Variants in SYNE2 observed in about 807,000 individuals in gnomAD.
SYNE2 encodes the protein nesprin-2.
In SYNE2, 431 loss-of-function variants were observed where a neutral mutation model predicts 856.3. The observed-to-expected ratio is 0.50, with a 90% CI of 0.47 to 0.55. The LOEUF is 0.55. Ranked by LOEUF, SYNE2 falls within the 20% of genes least tolerant of loss-of-function variation. SYNE2 has a pLI of 0.00. For missense variants in SYNE2, 8,129 were observed against 8,023.2 expected, an observed-to-expected ratio of 1.01 and a Z score of -0.50; for synonymous variants, 2,923 against 2,872.3, an observed-to-expected ratio of 1.02 and a Z score of -0.56.
chr14:64,210,801 GATGTAAATC>G (rs1273101777), intron 103 of SYNE2, among the ~76,000 whole-genome samples: 2 of 152,132 alleles, frequency 1.3e-5, no homozygotes, highest in African/African-American at 4.8e-5. Flanking sequence ...ATTCTAGAAA[GATGTAAATC>G]TGGGCTTTCT....
chr14:64,053,221 A>G lies in SYNE2; in HGVS notation c.9308A>G (p.Lys3103Arg). The change falls in exon 48 of 116, where the codon AAG becomes AGG. Residue 3103 changes from lysine to arginine, a missense_variant. Lys to Arg is a conservative substitution (Grantham distance 26, BLOSUM62 2). Transcript: ENST00000555002. ...AAGTGTTTATGTGATGAGATAATAA[A>G]GAAATTAAATGAAAATAAGACCTTT... ...KAKCLCDEII[K>R]KLNENKTFDD... 1.2e-6 allele frequency: 2 copies of G among 1,613,010 alleles called. No individual in the cohort carries two copies. The highest frequency in any genetic ancestry group is 1.7e-6 in the Non-Finnish European group (2 of 1,179,678).
In SYNE2 at chr14:63,920,942, T is replaced by C. The variant is rs369292977; in HGVS notation, c.79+11715T>C. Reference sequence around the variant, plus strand: ...CAGCCTGGCCAACATGGCAAAACCCTGTCTCTACTAAAAAATACAAAAATT... The same window carrying C: ...CAGCCTGGCCAACATGGCAAAACCCCGTCTCTACTAAAAAATACAAAAATT... On this transcript the variant is annotated intron_variant, in intron 2 of 115. Coordinates refer to ENST00000555002, the MANE Select transcript of SYNE2 (RefSeq NM_182914.3). Among the ~76,000 whole-genome samples the C allele has an allele frequency of 2.3e-4, 35 of 152,010 alleles. 1 individual carries two copies. The highest frequency in any genetic ancestry group is 8.2e-4 in the African/African-American group (34 of 41,494).
chr14:63,983,427 C>T (rs1241433512), intron 17 of SYNE2, among the ~76,000 whole-genome samples: 1 of 152,004 alleles, frequency 6.6e-6, no homozygotes, highest in Non-Finnish European at 1.5e-5. Context: ...ATTCACTTAC[C>T]ATGAAGGAAA....
intron 19 of SYNE2, among the ~76,000 whole-genome samples, chr14:63,989,173 G>T (rs1350273477): frequency 6.6e-6 from 1 of 151,972 alleles, no homozygotes; most frequent in Non-Finnish European, 1.5e-5. Flanking sequence ...CAAGCTCTTT[G>T]AATTGTGATC....
intron 1 of SYNE2, among the ~76,000 whole-genome samples, chr14:63,846,037 C>A (rs1300625098): frequency 7.2e-6 from 1 of 139,120 alleles, no homozygotes; most frequent in East Asian, 2.1e-4. Context: ...AGCCACCGTA[C>A]CTGCCCTTTT....
intron 104 of SYNE2, among the ~76,000 whole-genome samples, chr14:64,212,478 C>T (rs990534847): frequency 3.3e-5 from 5 of 152,184 alleles, no homozygotes; most frequent in Admixed American, 2.0e-4. Flanking sequence ...AATGCCCATT[C>T]GTGGCTTATT....
rs767570119 is a variant in SYNE2 at position 64,186,450 on chromosome 14, G to T, written c.17583G>T (p.Trp5861Cys). 9 of 1,614,176 alleles carry T rather than the reference G, an allele frequency of 5.6e-6. No homozygotes were observed. Among genetic ancestry groups the T allele is most frequent in the Non-Finnish European group, 6.8e-6 (8 of 1,180,026 alleles). ...AACTAGAACAGTCTTTGGCTAGCTG[G>T]ACTCAGAACTTGAAAGAACTTCAAA... Reference protein sequence around the residue: ...IKELEQSLASWTQNLKELQTM... With the variant: ...IKELEQSLASCTQNLKELQTM... The change falls in exon 97 of 116, where the codon TGG becomes TGT. Residue 5861 changes from tryptophan to cysteine, a missense_variant. Physicochemically the swap from Trp to Cys is radical, Grantham distance 215 (BLOSUM62 -2). Around this residue, in one of 3 missense-constraint regions of SYNE2, gnomAD observed 5,410 missense variants for 5,284.8 expected, o/e 1.02. Transcript: ENST00000555002.
At chr14:64,102,087 A>G (rs374644280) in intron 64 of SYNE2, 45 bp downstream of exon 64, 5 of 1,309,906 alleles carry the variant, frequency 3.8e-6, no homozygotes, top group Non-Finnish European at 5.5e-6. Context: ...ACGAGGGCCC[A>G]GGGGGGAGCA....
chr14:63,779,636 G>C (rs1298629786), intron 1 of SYNE2, among the ~76,000 whole-genome samples: 1 of 152,112 alleles, frequency 6.6e-6, no homozygotes, highest in Non-Finnish European at 1.5e-5. Context: ...AAGGAACCGG[G>C]CACAGTGGCC....
Position 64,141,348 on chromosome 14 carries a change from C to T in SYNE2, c.14984C>T (p.Ser4995Leu), listed in dbSNP as rs149790950. The change falls in exon 81 of 116, where the codon TCA becomes TTA. Residue 4995 changes from serine to leucine, a missense_variant. Ser to Leu is a moderately radical substitution (Grantham distance 145, BLOSUM62 -2). Around this residue, in one of 3 missense-constraint regions of SYNE2, gnomAD observed 5,410 missense variants for 5,284.8 expected, o/e 1.02. Coordinates refer to ENST00000555002, the MANE Select transcript of SYNE2 (RefSeq NM_182914.3). The stretch of plus-strand genomic sequence containing the variant: ...TTTAAAACTCTCCTTTAGGAGTTTT[C>T]AAAAGAAGTTGATGAAAAATCCTCC... ...RSNINNFFEFSKEVDEKSSLK... is the reference protein window; with the variant it reads ...RSNINNFFEFLKEVDEKSSLK... The T allele has an allele frequency of 1.1e-4, 180 of 1,612,718 alleles. 1 individual carries two copies. The East Asian group carries it at 4.0e-3, about 36-fold the overall frequency.
At chr14:64,167,753 T>C (rs2098388810) in intron 92 of SYNE2, 114 bp downstream of exon 92, 1 of 1,439,580 alleles carries the variant, frequency 6.9e-7, no homozygotes, top group Admixed American at 1.9e-5. Flanking sequence ...ACACAGAATG[T>C]ATACCTTTAA....
At chr14:64,136,606 A>G (rs2098092348) in intron 78 of SYNE2, among the ~76,000 whole-genome samples, 2 of 152,192 alleles carry the variant, frequency 1.3e-5, no homozygotes, top group African/African-American at 4.8e-5. Flanking sequence ...GCTGTGTTAG[A>G]TAATTACCTT....
Position 64,025,312 on chromosome 14 carries a change from A to G in SYNE2, c.6143A>G (p.Asp2048Gly), listed in dbSNP as rs751378753. The stretch of plus-strand genomic sequence containing the variant: ...CCCACAGAGGACCAGAGCTTTAATG[A>G]TCTTGCACATGATGTAATTCATTGG... ...LLPTEDQSFN[D>G]LAHDVIHWIK... Residue 2048 changes from aspartate to glycine, a missense_variant, in exon 41 of 116, where the codon GAT becomes GGT. Asp to Gly is a moderately conservative substitution (Grantham distance 94, BLOSUM62 -1). This residue lies in a region of SYNE2 where 2,422 missense variants were observed against 2,357.4 expected (regional missense o/e 1.03). Coordinates refer to ENST00000555002, the MANE Select transcript of SYNE2 (RefSeq NM_182914.3). 3 of 1,614,142 alleles carry G rather than the reference A, an allele frequency of 1.9e-6. No homozygotes were observed. Among genetic ancestry groups the G allele is most frequent in the Non-Finnish European group, 1.7e-6 (2 of 1,179,992 alleles).
At chr14:63,915,549 C>T (rs1280207428) in intron 2 of SYNE2, among the ~76,000 whole-genome samples, 1 of 152,086 alleles carries the variant, frequency 6.6e-6, no homozygotes. Context: ...GATTCTATTA[C>T]CTTTGCCACC....
At chr14:63,986,434 G>C (rs769432043) in intron 18 of SYNE2, 22 bp from the exon 19 acceptor site, 2 of 1,613,636 alleles carry the variant, frequency 1.2e-6, no homozygotes, top group South Asian at 1.1e-5. Flanking sequence ...CATTTTCTCA[G>C]TGGTACTTTT....
At chr14:63,960,134 A>C (rs1227600390) in intron 8 of SYNE2, among the ~76,000 whole-genome samples, 1 of 152,220 alleles carries the variant, frequency 6.6e-6, no homozygotes, top group Admixed American at 6.5e-5. Context: ...ATAAGCCAAT[A>C]TCATTATTTT....
At chr14:63,947,695 G>A (rs1203958599) in intron 6 of SYNE2, among the ~76,000 whole-genome samples, 1 of 152,000 alleles carries the variant, frequency 6.6e-6, no homozygotes, top group Non-Finnish European at 1.5e-5. Context: ...AAATTAGCCG[G>A]GCATGGTGGT....
intron 84 of SYNE2, among the ~76,000 whole-genome samples, chr14:64,149,943 C>G (rs576396688): frequency 6.6e-6 from 1 of 150,450 alleles, no homozygotes; most frequent in Admixed American, 6.6e-5. Flanking sequence ...GCAAAAGAAA[C>G]GAGCAACCCC....
intron 71 of SYNE2, among the ~76,000 whole-genome samples, chr14:64,125,418 T>A (rs2097934530): frequency 6.6e-6 from 1 of 152,210 alleles, no homozygotes. Context: ...CAAAGGATTC[T>A]GAGTCCAGGA....
Sources: allele counts gnomAD v4.1 joint callset (sites outside exome capture counted in the v4.1 genomes callset), GRCh38; gene constraint gnomAD v4.1.1; regional missense constraint gnomAD v4.1.1; transcripts MANE v1.5; gene names NCBI Gene and HGNC (gene_info 2026-07-23, HGNC 2026-07-21).